The following REDIC1 variants were observed in gnomAD, a reference collection of about 807,000 sequenced individuals.
REDIC1 encodes regulator of DNA class I crossover intermediates 1, also known as HEI10 Interacting Protein 1.
At chr12:39,711,313 T>C in the REDIC1 span, among the ~76,000 whole-genome samples, 4 of 148,704 alleles carry the variant, frequency 2.7e-5, no homozygotes, top group African/African-American at 9.8e-5. Flanking sequence ...TATGTGTATA[T>C]ATCCATATAT....
chr12:39,659,926 A>G, the REDIC1 span, among the ~76,000 whole-genome samples: 1 of 152,034 alleles, frequency 6.6e-6, no homozygotes, highest in Non-Finnish European at 1.5e-5. Context: ...AAACCCTATG[A>G]TCTTATTGAG....
At chr12:39,701,282 C>T in the REDIC1 span, among the ~76,000 whole-genome samples, 1 of 152,088 alleles carries the variant, frequency 6.6e-6, no homozygotes, top group Non-Finnish European at 1.5e-5. Context: ...GCAGGGGTTG[C>T]AATCCTGGTC....
At chr12:39,852,764 T>C in the REDIC1 span, among the ~76,000 whole-genome samples, 5 of 152,214 alleles carry the variant, frequency 3.3e-5, no homozygotes, top group African/African-American at 9.6e-5. Flanking sequence ...GTACCTCTGA[T>C]TGGTCCTCTC....
chr12:39,712,309 T>G, the REDIC1 span, among the ~76,000 whole-genome samples: 2 of 47,294 alleles, frequency 4.2e-5, no homozygotes, highest in East Asian at 7.5e-4. Context: ...TACATACATA[T>G]ATATGTATAT....
At chr12:39,865,766 T>G in the REDIC1 span, among the ~76,000 whole-genome samples, 2 of 152,094 alleles carry the variant, frequency 1.3e-5, no homozygotes, top group African/African-American at 4.8e-5. Flanking sequence ...TTTAGCAAAC[T>G]AACACAGAAA....
the REDIC1 span, among the ~76,000 whole-genome samples, chr12:39,801,205 C>T: frequency 1.7e-5 from 2 of 115,818 alleles, no homozygotes; most frequent in East Asian, 4.7e-4. Flanking sequence ...ATGTAACTAA[C>T]CTGCACAATG....
At chr12:39,867,974 A>G in the REDIC1 span, among the ~76,000 whole-genome samples, 1 of 152,240 alleles carries the variant, frequency 6.6e-6, no homozygotes, top group Non-Finnish European at 1.5e-5. Context: ...TAAATTTTTA[A>G]GTAATCACTT....
the REDIC1 span, among the ~76,000 whole-genome samples, chr12:39,780,779 G>A: frequency 3.3e-5 from 5 of 152,190 alleles, no homozygotes; most frequent in Middle Eastern, 3.4e-3. Context: ...ATACATACAC[G>A]AAAACATGGA....
At chr12:39,839,939 A>G in the REDIC1 span, among the ~76,000 whole-genome samples, 1 of 152,122 alleles carries the variant, frequency 6.6e-6, no homozygotes, top group African/African-American at 2.4e-5. Flanking sequence ...AAACCTGAGC[A>G]TGATTGCAGA....
chr12:39,772,424 C>A, the REDIC1 span, among the ~76,000 whole-genome samples: 1 of 151,866 alleles, frequency 6.6e-6, no homozygotes, highest in East Asian at 1.9e-4. Flanking sequence ...TTTTTTAAAT[C>A]TCAACCTATT....
the REDIC1 span, among the ~76,000 whole-genome samples, chr12:39,667,520 G>A: frequency 3.9e-5 from 6 of 152,274 alleles, no homozygotes; most frequent in African/African-American, 7.2e-5. Context: ...GTGCGGTGTC[G>A]TGCTGAGAAG....
At chr12:39,890,272 G>T in the REDIC1 span, among the ~76,000 whole-genome samples, 7 of 152,192 alleles carry the variant, frequency 4.6e-5, no homozygotes, top group South Asian at 1.5e-3. Flanking sequence ...TTATGTAAAA[G>T]GAAGTTCATT....
the REDIC1 span, among the ~76,000 whole-genome samples, chr12:39,631,544 T>A: frequency 6.6e-6 from 1 of 152,070 alleles, no homozygotes; most frequent in Non-Finnish European, 1.5e-5. Context: ...TTTAAAAGAA[T>A]CAAATATTGC....
the REDIC1 span, among the ~76,000 whole-genome samples, chr12:39,677,374 T>C: frequency 6.6e-6 from 1 of 151,960 alleles, no homozygotes; most frequent in Non-Finnish European, 1.5e-5. Context: ...GATAAAAGGA[T>C]TAGAACAACA....
the REDIC1 span, among the ~76,000 whole-genome samples, chr12:39,657,053 AGT>A: frequency 1.3e-5 from 2 of 152,220 alleles, no homozygotes; most frequent in East Asian, 3.9e-4. Flanking sequence ...AGTCTACAGT[AGT>A]GTATAGTAAT....
At chr12:39,763,298 A>C in the REDIC1 span, among the ~76,000 whole-genome samples, 7 of 152,114 alleles carry the variant, frequency 4.6e-5, no homozygotes, top group African/African-American at 1.7e-4. Context: ...AGTTTTATGA[A>C]GATAATAAAA....
At chr12:39,859,418 A>G in the REDIC1 span, among the ~76,000 whole-genome samples, 1 of 151,802 alleles carries the variant, frequency 6.6e-6, no homozygotes, top group African/African-American at 2.4e-5. Flanking sequence ...GCATTTCAAA[A>G]CAACATGCCA....
chr12:39,733,427 C>T, the REDIC1 span, among the ~76,000 whole-genome samples: 1 of 151,996 alleles, frequency 6.6e-6, no homozygotes, highest in African/African-American at 2.4e-5. Context: ...GTTGGATCTT[C>T]TTTGATATCT....
chr12:39,655,402 T>C, the REDIC1 span, among the ~76,000 whole-genome samples: 1 of 152,168 alleles, frequency 6.6e-6, no homozygotes, highest in Non-Finnish European at 1.5e-5. Context: ...CTAGACCTAA[T>C]AAGGCTTCCT....
Sources: gnomAD v4.1 joint callset for allele counts (sites outside exome capture counted in the v4.1 genomes callset) on GRCh38, gnomAD v4.1.1 for gene constraint, MANE v1.5 for transcripts, NCBI Gene and HGNC (gene_info 2026-07-23, HGNC 2026-07-21) for gene names.